MPP7: variants seen among roughly 807,000 people sequenced by gnomAD.
MPP7 encodes the protein MAGUK p55 scaffold protein 7, also known as MAGUK p55 subfamily member 7.
Under a neutral mutation model 76.5 loss-of-function variants are expected in MPP7, and 60 were observed. The observed-to-expected ratio is 0.78, with a 90% CI of 0.64 to 0.97. The LOEUF is 0.97. Among genes scored for constraint, MPP7 ranks in the 50% least tolerant of loss-of-function variants. MPP7 has a pLI of 0.00. For missense variants in MPP7, 641 were observed against 694.0 expected, an observed-to-expected ratio of 0.92 and a Z score of 0.86; for synonymous variants, 237 against 244.5, an observed-to-expected ratio of 0.97 and a Z score of 0.29.
At chr10:28,228,074 T>A (rs568215304) in intron 2 of MPP7, among the ~76,000 whole-genome samples, 1 of 152,294 alleles carries the variant, frequency 6.6e-6, no homozygotes, top group South Asian at 2.1e-4. Context: ...AAAGTATGAA[T>A]ATGATCAAAT....
In MPP7 at chr10:28,237,934, A is replaced by C. The variant is rs566407186; in HGVS notation, c.37+634T>G. On this transcript the variant is annotated intron_variant, in intron 2 of 16. Coordinates refer to ENST00000683449, the MANE Select transcript of MPP7 (RefSeq NM_001318170.2). ...CCACCACACTTCTACTTCCTGAATCAGATCAGAAGGGGAGGATTTTATGTA... is the reference window on the plus strand; with the variant it reads ...CCACCACACTTCTACTTCCTGAATCCGATCAGAAGGGGAGGATTTTATGTA... Among the ~76,000 whole-genome samples the C allele has an allele frequency of 2.0e-5, 3 of 152,336 alleles. No individual in the cohort carries two copies. The South Asian group carries it at 6.2e-4, about 32-fold the overall frequency.
chr10:28,182,622 T>A (rs2133912299), intron 3 of MPP7, among the ~76,000 whole-genome samples: 1 of 152,360 alleles, frequency 6.6e-6, no homozygotes, highest in East Asian at 1.9e-4. Context: ...CATATGACTC[T>A]TGTACTCACA....
intron 1 of MPP7, among the ~76,000 whole-genome samples, chr10:28,332,246 C>CGTGTGTGTGT (rs4018712): frequency 0.027 from 3,965 of 146,856 alleles, 192 homozygotes; most frequent in African/African-American, 0.089. Context: ...CAAATGTATG[C>CGTGTGTGTGT]GTGTGTGTGT....
chr10:28,241,666 C>T (rs1394909155), intron 1 of MPP7, among the ~76,000 whole-genome samples: 4 of 151,970 alleles, frequency 2.6e-5, no homozygotes, highest in Non-Finnish European at 1.5e-5. Context: ...GAGGGATTAC[C>T]GAATATTCTT....
Position 28,180,777 on chromosome 10 carries a change from T to A in MPP7, c.156+21376A>T, listed in dbSNP as rs377755544. The stretch of plus-strand genomic sequence containing the variant: ...GGGAGAACTCCCACCACCTGGAACA[T>A]CAGCAGTCAGCAATGGGGGCTGGAG... On this transcript the variant is annotated intron_variant, in intron 3 of 16. Transcript: ENST00000683449. 1.1e-3 allele frequency among the ~76,000 whole-genome samples: 164 copies of A among 152,202 alleles called. 1 individual carries two copies. Among genetic ancestry groups the A allele is most frequent in the South Asian group, 5.2e-3 (25 of 4,818 alleles).
intron 5 of MPP7, among the ~76,000 whole-genome samples, chr10:28,133,770 C>T (rs556363676): frequency 6.6e-6 from 1 of 152,084 alleles, no homozygotes; most frequent in Non-Finnish European, 1.5e-5. Context: ...TCCATACCCC[C>T]CAAAGTGGCG....
chr10:28,115,445 C>G (rs1006870084), intron 11 of MPP7, among the ~76,000 whole-genome samples: 1 of 152,092 alleles, frequency 6.6e-6, no homozygotes, highest in African/African-American at 2.4e-5. Flanking sequence ...TCTGTTTATA[C>G]AAGACCCCAC....
intron 3 of MPP7, among the ~76,000 whole-genome samples, chr10:28,200,700 T>C (rs1401921503): frequency 6.6e-6 from 1 of 152,236 alleles, no homozygotes; most frequent in East Asian, 1.9e-4. Flanking sequence ...AACCCCATTA[T>C]ATAACTACCA....
intron 3 of MPP7, among the ~76,000 whole-genome samples, chr10:28,153,147 G>A (rs1243141758): frequency 3.9e-5 from 6 of 152,206 alleles, no homozygotes; most frequent in East Asian, 1.9e-4. Flanking sequence ...CTAGCTACTC[G>A]GGAGGCTGAG....
intron 12 of MPP7, among the ~76,000 whole-genome samples, chr10:28,083,886 G>C (rs889655871): frequency 1.2e-4 from 18 of 152,136 alleles, no homozygotes; most frequent in African/African-American, 4.3e-4. Context: ...TTCGCCTGAA[G>C]AGAAAATGTG....
At chr10:28,097,504 G>T (rs1039499720) in intron 11 of MPP7, among the ~76,000 whole-genome samples, 4 of 152,034 alleles carry the variant, frequency 2.6e-5, no homozygotes, top group African/African-American at 9.7e-5. Flanking sequence ...ACACTCTTCA[G>T]TGTAATCAAC....
intron 13 of MPP7, among the ~76,000 whole-genome samples, chr10:28,060,037 T>C (rs1422723763): frequency 6.8e-6 from 1 of 147,778 alleles, no homozygotes; most frequent in Non-Finnish European, 1.5e-5. Context: ...TTTAAACTCC[T>C]GAGGAAAAAA....
intron 12 of MPP7, among the ~76,000 whole-genome samples, chr10:28,075,656 C>CA (rs765272972): frequency 2.0e-5 from 3 of 152,106 alleles, no homozygotes; most frequent in Non-Finnish European, 4.4e-5. Flanking sequence ...CTTTTATGCA[C>CA]ACTCCTGTCT....
rs1317643129 is a variant in MPP7 at position 28,051,482 on chromosome 10, C to T, written c.*2583G>A. The T allele has an allele frequency of 6.6e-6, 1 of 152,114 alleles. No homozygotes were observed. Among genetic ancestry groups the T allele is most frequent in the Non-Finnish European group, 1.5e-5 (1 of 67,996 alleles). 9.4% of individuals were successfully genotyped at this position (152,114 alleles called of 1,614,324 possible). Reference sequence around the variant, plus strand: ...TTGACTACAGTCAATAATAGGAGTACAGAATTTACTTTTTGGTCTTGATTT... The same window carrying T: ...TTGACTACAGTCAATAATAGGAGTATAGAATTTACTTTTTGGTCTTGATTT... On this transcript the variant is annotated 3_prime_UTR_variant, in exon 17 of 17. Coordinates refer to ENST00000683449, the MANE Select transcript of MPP7 (RefSeq NM_001318170.2).
intron 3 of MPP7, among the ~76,000 whole-genome samples, chr10:28,150,502 T>A (rs973080804): frequency 6.6e-6 from 1 of 152,202 alleles, no homozygotes; most frequent in East Asian, 1.9e-4. Flanking sequence ...TTTTGGCAGG[T>A]TGGTATGGAA....
intron 2 of MPP7, among the ~76,000 whole-genome samples, chr10:28,313,907 T>A (rs1274782018): frequency 7.3e-6 from 1 of 137,564 alleles, no homozygotes; most frequent in Non-Finnish European, 1.5e-5. Flanking sequence ...GGTTTTGCCA[T>A]GTTGCCCAGG....
chr10:28,150,909 G>C (rs1835863955), intron 3 of MPP7, among the ~76,000 whole-genome samples: 1 of 152,096 alleles, frequency 6.6e-6, no homozygotes, highest in Admixed American at 6.5e-5. Flanking sequence ...ACACATAACT[G>C]TCAGCACTTA....
At chr10:28,172,050 G>A (rs1047028468) in intron 3 of MPP7, among the ~76,000 whole-genome samples, 2 of 152,210 alleles carry the variant, frequency 1.3e-5, no homozygotes, top group African/African-American at 4.8e-5. Flanking sequence ...CTGTGCTAAC[G>A]TCTTTGCAAA....
chr10:28,103,089 T>G (rs1853903459), intron 11 of MPP7, among the ~76,000 whole-genome samples: 1 of 152,134 alleles, frequency 6.6e-6, no homozygotes, highest in African/African-American at 2.4e-5. Flanking sequence ...TGCACACACT[T>G]GTGCACAATG....
Sources: gnomAD v4.1 joint callset for allele counts (sites outside exome capture counted in the v4.1 genomes callset) on GRCh38, gnomAD v4.1.1 for gene constraint, MANE v1.5 for transcripts, NCBI Gene and HGNC (gene_info 2026-07-23, HGNC 2026-07-21) for gene names.